Variants in UNC13B observed in about 807,000 individuals in gnomAD.
The protein encoded by UNC13B is protein unc-13 homolog B.
A neutral mutation model predicts 211.0 loss-of-function variants in UNC13B; 144 were observed. The observed-to-expected ratio is 0.68, with a 90% CI of 0.60 to 0.78. The LOEUF (loss-of-function observed/expected upper bound fraction) is 0.78, where lower values mean the gene tolerates loss of function less well. Ranked by LOEUF, UNC13B falls within the 30% of genes least tolerant of loss-of-function variation. The pLI is 0.00. For synonymous variants in UNC13B, 709 were observed against 725.8 expected (o/e 0.98, Z 0.37); for missense variants, 1,777 against 2,002.0 (o/e 0.89, Z 2.14).
chr9:35,276,211 C>T (rs911466086), intron 7 of UNC13B, among the ~76,000 whole-genome samples: 3 of 147,906 alleles, frequency 2.0e-5, no homozygotes, highest in Admixed American at 6.9e-5. Flanking sequence ...GAGGCTGAAG[C>T]GGGAGGATCA....
chr9:35,316,404 C>T (rs559718806), intron 11 of UNC13B, among the ~76,000 whole-genome samples: 119 of 152,202 alleles, frequency 7.8e-4, no homozygotes, highest in Non-Finnish European at 1.4e-3. Context: ...TAATTTGACC[C>T]TTCAGGGAGA....
chr9:35,377,407 C>G, intron 15 of UNC13B, 61 bp from the exon 16 acceptor site: 1 of 1,555,018 alleles, frequency 6.4e-7, no homozygotes, highest in Non-Finnish European at 8.8e-7. Flanking sequence ...CTCCCAGGCC[C>G]CATTCCTCAG....
At chr9:35,269,483 A>T (rs1436680865) in intron 7 of UNC13B, among the ~76,000 whole-genome samples, 1 of 152,150 alleles carries the variant, frequency 6.6e-6, no homozygotes, top group African/African-American at 2.4e-5. Flanking sequence ...ACACATCATT[A>T]TGTAAGTATG....
intron 11 of UNC13B, among the ~76,000 whole-genome samples, chr9:35,340,738 G>A (rs1020018964): frequency 3.3e-5 from 5 of 152,158 alleles, no homozygotes; most frequent in African/African-American, 9.7e-5. Context: ...TGACTTCACT[G>A]GATTGTTACT....
chr9:35,313,200 T>A (rs534063586), intron 10 of UNC13B, among the ~76,000 whole-genome samples: 1 of 152,282 alleles, frequency 6.6e-6, no homozygotes, highest in African/African-American at 2.4e-5. Context: ...CCACATTGGG[T>A]AAATGACAAA....
intron 16 of UNC13B, 115 bp from the exon 17 acceptor site, chr9:35,378,180 G>T (rs1834567460): frequency 7.2e-6 from 10 of 1,381,314 alleles, no homozygotes; most frequent in Middle Eastern, 2.5e-4. Flanking sequence ...TGGAGGAATG[G>T]GATTACGGTA....
intron 11 of UNC13B, among the ~76,000 whole-genome samples, chr9:35,317,196 AAAT>A (rs1327803142): frequency 1.3e-5 from 2 of 152,110 alleles, no homozygotes; most frequent in African/African-American, 4.8e-5. Flanking sequence ...TGAGGCAAAC[AAAT>A]GTTTGTTTAT....
chr9:35,364,562 C>A, intron 11 of UNC13B: 1 of 1,536,006 alleles, frequency 6.5e-7, no homozygotes, highest in African/African-American at 1.4e-5. Context: ...GCGAGGAGCC[C>A]TTCAGGTTGT....
rs1457156604 is a variant in UNC13B at position 35,252,666 on chromosome 9, A to T, written c.469-6327A>T. ...TTAGCTATGATTTGTCTATAAAAAAAATTTTCTCAATCCCAGCACTTTGGG... is the reference window on the plus strand; with the variant it reads ...TTAGCTATGATTTGTCTATAAAAAATATTTTCTCAATCCCAGCACTTTGGG... On this transcript the variant is annotated intron_variant, in intron 6 of 39. Coordinates refer to ENST00000635942, the MANE Select transcript of UNC13B (RefSeq NM_001371189.2). Among the ~76,000 whole-genome samples the T allele has an allele frequency of 2.6e-5, 4 of 151,842 alleles. No individual in the cohort carries two copies. The East Asian group carries it at 5.9e-4, about 22-fold the overall frequency.
chr9:35,300,464 T>C lies in UNC13B; in HGVS notation c.1060T>C (p.Ser354Pro), dbSNP rs1829618280. ...LSSCLRHCEK[S>P]SGSNQHVTNF... Reference sequence around the variant, plus strand: ...CAGTTGTTTAAGGCACTGTGAAAAGTCATCTGGCTCAAACCAGCATGTCAC... The same window carrying C: ...CAGTTGTTTAAGGCACTGTGAAAAGCCATCTGGCTCAAACCAGCATGTCAC... The change falls in exon 9 of 40, where the codon TCA (serine) becomes CCA (proline). Residue 354 changes from serine (S) to proline (P), a missense_variant. By Grantham distance (74) the Ser-to-Pro change is moderately conservative. Transcript: ENST00000635942. The C allele has an allele frequency of 7.5e-6, 3 of 398,886 alleles. No homozygotes were observed. 24.7% of individuals were successfully genotyped at this position (398,886 alleles called of 1,614,324 possible).
At chr9:35,252,799 A>G (rs1826586263) in intron 6 of UNC13B, among the ~76,000 whole-genome samples, 1 of 151,932 alleles carries the variant, frequency 6.6e-6, no homozygotes, top group Non-Finnish European at 1.5e-5. Context: ...GCGTGTTGGC[A>G]GGTGCCTGTA....
chr9:35,378,574 A>T, intron 17 of UNC13B, 138 bp downstream of exon 17: 1 of 1,140,554 alleles, frequency 8.8e-7, no homozygotes, highest in Non-Finnish European at 1.3e-6. Context: ...CTTCGTTCAG[A>T]CATCAGCCAT....
At chr9:35,234,109 A>G (rs1318841059) in intron 3 of UNC13B, among the ~76,000 whole-genome samples, 2 of 152,112 alleles carry the variant, frequency 1.3e-5, no homozygotes, top group African/African-American at 4.8e-5. Flanking sequence ...ATCCCCAAGC[A>G]AATTTCTTTT....
At position 35,207,072 on chromosome 9, in the gene UNC13B, A is replaced by G. The variant is rs572068347; in HGVS notation, c.23-20943A>G. 3.9e-4 allele frequency among the ~76,000 whole-genome samples: 59 copies of G among 152,228 alleles called. No individual in the cohort carries two copies. The East Asian group carries it at 0.01, about 27-fold the overall frequency. Reference sequence around the variant, plus strand: ...CACTATTTTTCAAAGTGGCTGTATCATTGTGGATTCCCACCAGCAGTATAT... The same window carrying G: ...CACTATTTTTCAAAGTGGCTGTATCGTTGTGGATTCCCACCAGCAGTATAT... On this transcript the variant is annotated intron_variant, in intron 1 of 39. Coordinates refer to ENST00000635942, the MANE Select transcript of UNC13B (RefSeq NM_001371189.2).
chr9:35,162,967 A>T (rs900228505), intron 1 of UNC13B, among the ~76,000 whole-genome samples: 11 of 152,254 alleles, frequency 7.2e-5, no homozygotes, highest in Admixed American at 3.3e-4. Flanking sequence ...ATCTAAGAAG[A>T]TATCTTAAAG....
chr9:35,186,407 C>T (rs1441907809), intron 1 of UNC13B, among the ~76,000 whole-genome samples: 1 of 152,174 alleles, frequency 6.6e-6, no homozygotes, highest in Non-Finnish European at 1.5e-5. Context: ...CCACTTATGA[C>T]CTGGAAGGTC....
chr9:35,179,714 C>G (rs1030015552), intron 1 of UNC13B, among the ~76,000 whole-genome samples: 2 of 152,088 alleles, frequency 1.3e-5, no homozygotes, highest in African/African-American at 4.8e-5. Flanking sequence ...TCACTTGAGC[C>G]TGGGAGATTG....
chr9:35,366,721 C>A lies in UNC13B; in HGVS notation c.9415-226C>A, dbSNP rs749998493. On this transcript the variant is annotated intron_variant, in intron 11 of 39. Coordinates refer to ENST00000635942, the MANE Select transcript of UNC13B (RefSeq NM_001371189.2). The stretch of plus-strand genomic sequence containing the variant: ...ACTTCAGCCCTGCAAACTCAGTGAG[C>A]TTTGCCCTATCTCCTATTCACCAAG... Among the ~76,000 whole-genome samples, 32 of 152,152 alleles carry A rather than the reference C, an allele frequency of 2.1e-4. 1 individual carries two copies. Among genetic ancestry groups the A allele is most frequent in the Admixed American group, 2.0e-4 (3 of 15,270 alleles).
chr9:35,216,598 C>T (rs548076631), intron 1 of UNC13B, among the ~76,000 whole-genome samples: 2 of 152,300 alleles, frequency 1.3e-5, no homozygotes, highest in South Asian at 4.1e-4. Flanking sequence ...AACCACGCTA[C>T]TCTAGCCACA....
Sources: allele counts gnomAD v4.1 joint callset (sites outside exome capture counted in the v4.1 genomes callset), GRCh38; gene constraint gnomAD v4.1.1; transcripts MANE v1.5; gene names NCBI Gene and HGNC (gene_info 2026-07-23, HGNC 2026-07-21).